The following DCHS2 variants were observed in gnomAD, a reference collection of about 807,000 sequenced individuals.
The protein encoded by DCHS2 is protocadherin-23.
DCHS2 carries 142 observed loss-of-function variants against 182.4 expected under a neutral mutation model. That is an observed-to-expected ratio of 0.78 (90% CI 0.68 to 0.89). The LOEUF (loss-of-function observed/expected upper bound fraction) is 0.89, where lower values mean the gene tolerates loss of function less well. Among genes scored for constraint, DCHS2 ranks in the 40% least tolerant of loss-of-function variants. The pLI, the probability that DCHS2 is intolerant of heterozygous loss-of-function variation, is 0.00. For synonymous variants in DCHS2, 1,740 were observed against 1,663.3 expected (o/e 1.05, Z -1.12); for missense variants, 4,319 against 4,198.6 (o/e 1.03, Z -0.79).
intron 1 of DCHS2, among the ~76,000 whole-genome samples, chr4:154,449,039 G>T (rs1433596944): frequency 6.6e-6 from 1 of 152,108 alleles, no homozygotes; most frequent in Non-Finnish European, 1.5e-5. Context: ...ACTCATGCCT[G>T]ACACACTCCC....
intron 1 of DCHS2, chr4:154,391,320 A>G (rs761180431): frequency 1.3e-6 from 2 of 1,564,350 alleles, no homozygotes. Flanking sequence ...CTCCTATATG[A>G]GGGTAGCTTC....
rs192864043 is a variant in DCHS2, at chr4:154,391,007, C to A, written c.2053-13563G>T. 1.4e-3 allele frequency among the ~76,000 whole-genome samples: 211 copies of A among 152,294 alleles called. 2 individuals are homozygous for A. The highest frequency in any genetic ancestry group is 4.6e-3 in the African/African-American group (193 of 41,562). Reference sequence around the variant, plus strand: ...ATACCATAAAACTTTAAATGACAAACAAATTCATGAGAGGATCCTAGCTAA... The same window carrying A: ...ATACCATAAAACTTTAAATGACAAAAAAATTCATGAGAGGATCCTAGCTAA... On this transcript the variant is annotated intron_variant, in intron 1 of 19. Transcript: ENST00000357232.
intron 5 of DCHS2, among the ~76,000 whole-genome samples, chr4:154,330,923 C>T (rs1252815272): frequency 1.3e-5 from 2 of 152,032 alleles, no homozygotes; most frequent in Admixed American, 6.5e-5. Flanking sequence ...ATTCATAAAG[C>T]AAATCTGATG....
intron 13 of DCHS2, among the ~76,000 whole-genome samples, chr4:154,287,193 A>G (rs1325965928): frequency 6.6e-6 from 1 of 152,230 alleles, no homozygotes; most frequent in Non-Finnish European, 1.5e-5. Context: ...GACCTGTCTT[A>G]CAAGAAATCC....
At chr4:154,324,575 T>A (rs1736204510) in intron 7 of DCHS2, among the ~76,000 whole-genome samples, 1 of 152,208 alleles carries the variant, frequency 6.6e-6, no homozygotes, top group South Asian at 2.1e-4. Flanking sequence ...AGGTTTTGAG[T>A]TAAATAACAG....
intron 3 of DCHS2, chr4:154,343,749 A>ATT: frequency 9.0e-7 from 1 of 1,114,952 alleles, no homozygotes; most frequent in Non-Finnish European, 1.1e-6. Flanking sequence ...TTTCTGACTC[A>ATT]GCAATGAGTC....
intron 1 of DCHS2, among the ~76,000 whole-genome samples, chr4:154,379,805 A>G (rs1182261437): frequency 6.6e-6 from 1 of 152,176 alleles, no homozygotes; most frequent in Non-Finnish European, 1.5e-5. Flanking sequence ...AAAGTTCTCA[A>G]TAAACCTTCT....
At chr4:154,401,036 AG>A (rs1732153299) in intron 1 of DCHS2, among the ~76,000 whole-genome samples, 1 of 152,228 alleles carries the variant, frequency 6.6e-6, no homozygotes, top group African/African-American at 2.4e-5. Flanking sequence ...CATTTAAATC[AG>A]CCCAGAAGGC....
chr4:154,395,617 C>A (rs1238848977), intron 1 of DCHS2, among the ~76,000 whole-genome samples: 3 of 152,144 alleles, frequency 2.0e-5, no homozygotes, highest in Non-Finnish European at 4.4e-5. Flanking sequence ...GCACATTGAC[C>A]AAATTCTATT....
chr4:154,484,253 A>G (rs72729002), intron 1 of DCHS2, among the ~76,000 whole-genome samples: 25,548 of 152,228 alleles, frequency 0.17, 2,616 homozygotes, highest in Admixed American at 0.28. Context: ...ATGTAGCTGA[A>G]TATGTGTTAT....
chr4:154,324,973 TG>T (rs1487160333), intron 7 of DCHS2, among the ~76,000 whole-genome samples: 3 of 152,326 alleles, frequency 2.0e-5, no homozygotes, highest in Admixed American at 2.0e-4. Context: ...AAAATAAAGA[TG>T]GGAATAATGT....
chr4:154,404,249 C>T (rs1272216464), intron 1 of DCHS2, among the ~76,000 whole-genome samples: 5 of 151,862 alleles, frequency 3.3e-5, no homozygotes, highest in Non-Finnish European at 5.9e-5. Context: ...TTCTAATTTC[C>T]ATTTTAATTT....
chr4:154,245,995 A>G (rs1193197232), intron 16 of DCHS2, among the ~76,000 whole-genome samples: 1 of 152,162 alleles, frequency 6.6e-6, no homozygotes, highest in Admixed American at 6.6e-5. Context: ...GGGCAGGGAT[A>G]TACAGGAAAT....
chr4:154,420,679 C>A (rs1733075191), intron 1 of DCHS2, among the ~76,000 whole-genome samples: 1 of 152,156 alleles, frequency 6.6e-6, no homozygotes, highest in South Asian at 2.1e-4. Flanking sequence ...TGGGATAGTG[C>A]CCACTCACAT....
chr4:154,249,460 A>G (rs560717152), intron 16 of DCHS2, among the ~76,000 whole-genome samples: 1 of 152,308 alleles, frequency 6.6e-6, no homozygotes, highest in South Asian at 2.1e-4. Flanking sequence ...GGGAACATTA[A>G]TACATTGTTG....
chr4:154,382,452 A>C (rs963690406), intron 1 of DCHS2, among the ~76,000 whole-genome samples: 40 of 152,144 alleles, frequency 2.6e-4, no homozygotes, highest in African/African-American at 9.4e-4. Flanking sequence ...TTTATTACTA[A>C]GTCCTCAAAA....
At chr4:154,484,089 C>T (rs1728488259) in intron 1 of DCHS2, among the ~76,000 whole-genome samples, 1 of 152,206 alleles carries the variant, frequency 6.6e-6, no homozygotes, top group Non-Finnish European at 1.5e-5. Flanking sequence ...TCCTATTCTT[C>T]CCACTAATCC....
intron 15 of DCHS2, among the ~76,000 whole-genome samples, chr4:154,258,621 C>A (rs1387339048): frequency 6.6e-6 from 1 of 152,084 alleles, no homozygotes; most frequent in East Asian, 1.9e-4. Context: ...AGGTGATCCA[C>A]CTGCCTTGGC....
At chr4:154,323,361 T>C in intron 7 of DCHS2, 2 of 1,545,294 alleles carry the variant, frequency 1.3e-6, no homozygotes, top group Non-Finnish European at 1.7e-6. Context: ...ATGAAGTCTC[T>C]TTCTGTTACC....
Sources: allele counts gnomAD v4.1 joint callset (sites outside exome capture counted in the v4.1 genomes callset), GRCh38; gene constraint gnomAD v4.1.1; transcripts MANE v1.5; gene names NCBI Gene and HGNC (gene_info 2026-07-23, HGNC 2026-07-21).